The following AKT1 variants were observed in gnomAD, a reference collection of about 807,000 sequenced individuals.
AKT1 encodes the protein RAC-alpha serine/threonine-protein kinase.
Under a neutral mutation model 63.1 loss-of-function variants are expected in AKT1, and 21 were observed. The observed-to-expected ratio is 0.33, with a 90% confidence interval of 0.24 to 0.48. The LOEUF (loss-of-function observed/expected upper bound fraction) is 0.48, where lower values mean the gene tolerates loss of function less well. AKT1 is among the 20% of genes least tolerant of loss of function. AKT1 has a pLI of 0.99. For synonymous variants in AKT1, 257 were observed against 253.1 expected (o/e 1.02, Z -0.15); for missense variants, 382 against 666.0 (o/e 0.57, Z 4.69).
rs1893845704 is a variant in AKT1 at position 104,795,476 on chromosome 14, G to A, written c.-258+8C>T. 6.8e-6 allele frequency: 1 copy of A among 146,390 alleles called. No individual in the cohort carries two copies. Among genetic ancestry groups the A allele is most frequent in the Non-Finnish European group, 1.5e-5 (1 of 65,820 alleles). The allele number at this position is 146,390 out of a possible 1,614,324, so 9.1% of individuals were successfully genotyped here. ...AGGCCCGGGCGGCCACGGCGGGCGG[G>A]GACTCACCGGGCCGCCGCGTCCGGG... On this transcript the variant is annotated splice_region_variant and intron_variant, in intron 1 of 14. Coordinates refer to ENST00000649815, the MANE Select transcript of AKT1 (RefSeq NM_001382430.1). The surrounding 1 kb of genome is among the most constrained non-coding windows in gnomAD (Gnocchi z 5.1).
At chr14:104,792,173 A>AC (rs1053620473) in intron 3 of AKT1, among the ~76,000 whole-genome samples, 13 of 151,766 alleles carry the variant, frequency 8.6e-5, no homozygotes, top group African/African-American at 3.2e-4. Context: ...GATTCCCCCC[A>AC]CCCCCAAAGC....
chr14:104,776,207 G>A (rs1595246798), intron 5 of AKT1: 1 of 204,866 alleles, frequency 4.9e-6, no homozygotes, highest in East Asian at 1.4e-4. Flanking sequence ...GAGTGCAGTG[G>A]TAAAATCTCG....
In AKT1 at chr14:104,770,769, T is replaced by C. The variant is rs764514218; in HGVS notation, c.1339A>G (p.Ile447Val). 1 of 1,614,056 alleles carries C rather than the reference T, an allele frequency of 6.2e-7. No homozygotes were observed. The highest frequency in any genetic ancestry group is 8.5e-7 in the Non-Finnish European group (1 of 1,180,018). The change falls in exon 14 of 15, where the codon ATC becomes GTC. Residue 447 changes from isoleucine to valine, a missense_variant. Physicochemically the swap from Ile to Val is conservative, Grantham distance 29. Transcript: ENST00000649815. Reference protein sequence around the residue: ...YFDEEFTAQMITITPPDQDDS... With the variant: ...YFDEEFTAQMVTITPPDQDDS... ...CCTTGGTCAGGTGGTGTGATGGTGA[T>C]CATCTGGGCCGTGAACTCCTCATCA...
At chr14:104,791,348 C>T (rs1566826327) in intron 3 of AKT1, among the ~76,000 whole-genome samples, 1 of 151,632 alleles carries the variant, frequency 6.6e-6, no homozygotes, top group Non-Finnish European at 1.5e-5. Context: ...AAGCAGGGGA[C>T]AGCACACGGG....
rs1334999195 is a variant in AKT1, at chr14:104,795,059, A to C, written c.-258+425T>G. ...AGTCTCCTTCCGGGGCCCTCCCACA[A>C]ACTTGAAGGCCGGCCGCGGCGAGTC... On this transcript the variant is annotated intron_variant, in intron 1 of 14. Transcript: ENST00000649815. This position sits in a 1 kb window ranked among gnomAD's most constrained non-coding sequence, Gnocchi z 5.1. The C allele has an allele frequency of 6.6e-6, 1 of 152,134 alleles. No individual in the cohort carries two copies. The highest frequency in any genetic ancestry group is 1.5e-5 in the Non-Finnish European group (1 of 68,002). 9.4% of individuals were successfully genotyped at this position (152,134 alleles called of 1,614,324 possible). A position where few individuals can be genotyped will look rare whatever the true frequency, so the allele number is the denominator to read the frequency against.
intron 3 of AKT1, among the ~76,000 whole-genome samples, chr14:104,791,382 C>G (rs2494746): frequency 0.77 from 116,691 of 151,522 alleles, 47,183 homozygotes; most frequent in Non-Finnish European, 0.91. Context: ...AGGCAGGATG[C>G]GGCAGGAGGC....
Position 104,774,989 on chromosome 14 carries a change from G to C in AKT1, c.582C>G (p.His194Gln). The C allele has an allele frequency of 6.2e-7, 1 of 1,613,186 alleles. No homozygotes were observed. The highest frequency in any genetic ancestry group is 8.5e-7 in the Non-Finnish European group (1 of 1,179,822). ...EVIVAKDEVA[H>Q]TLTENRVLQN... The stretch of plus-strand genomic sequence containing the variant: ...GCAGGACGCGGTTCTCGGTGAGTGT[G>C]TGGGCCACCTCGTCCTGTAAAGCAG... Residue 194 changes from histidine (H) to glutamine (Q), a missense_variant, in exon 8 of 15, where the codon CAC (histidine) becomes CAG (glutamine). Coordinates refer to ENST00000649815, the MANE Select transcript of AKT1 (RefSeq NM_001382430.1).
chr14:104,779,040 G>A (rs1892882413), intron 4 of AKT1, among the ~76,000 whole-genome samples: 1 of 152,208 alleles, frequency 6.6e-6, no homozygotes, highest in African/African-American at 2.4e-5. Flanking sequence ...GCAGAGCTGG[G>A]CTCCAGGACA....
chr14:104,792,807 A>G, intron 2 of AKT1, 85 bp from the exon 3 acceptor site: 1 of 822,974 alleles, frequency 1.2e-6, no homozygotes. Flanking sequence ...GACCCACTGC[A>G]CGTGCCTGGG....
chr14:104,775,959 C>G (rs561699894), intron 5 of AKT1, 160 bp from the exon 6 acceptor site: 2 of 784,512 alleles, frequency 2.5e-6, no homozygotes, highest in South Asian at 3.7e-5. Context: ...TGGCCACATA[C>G]ACTCAGGGTC....
rs538761817 is a variant in AKT1, at chr14:104,774,578, G to A, written c.633+360C>T. The A allele has an allele frequency of 2.9e-5, 9 of 306,922 alleles. No homozygotes were observed. In the South Asian group the frequency reaches 4.9e-4, roughly 17 times the overall value. 19.0% of individuals were successfully genotyped at this position (306,922 alleles called of 1,614,324 possible). A position where few individuals can be genotyped will look rare whatever the true frequency, so the allele number is the denominator to read the frequency against. On this transcript the variant is annotated intron_variant, in intron 8 of 14. Transcript: ENST00000649815. Reference sequence around the variant, plus strand: ...GCCCCCTTCACAGTAAATACCTCCTGGGCCAAGTCCCCAGAACAGGTTCTG... The same window carrying A: ...GCCCCCTTCACAGTAAATACCTCCTAGGCCAAGTCCCCAGAACAGGTTCTG...
chr14:104,790,373 T>G (rs754504710), intron 3 of AKT1, among the ~76,000 whole-genome samples: 14 of 142,268 alleles, frequency 9.8e-5, no homozygotes, highest in Non-Finnish European at 1.7e-4. Context: ...CAGCCAGGCC[T>G]GAGCACTGTG....
chr14:104,776,509 CAGTT>C, intron 5 of AKT1, 146 bp downstream of exon 5: 1 of 637,630 alleles, frequency 1.6e-6, no homozygotes, highest in Non-Finnish European at 2.6e-6. Context: ...AGGACTGGGC[CAGTT>C]TCCAAACTGG....
At chr14:104,777,771 G>C (rs1345292444) in intron 4 of AKT1, 1 of 985,044 alleles carries the variant, frequency 1.0e-6, no homozygotes, top group Non-Finnish European at 1.2e-6. Context: ...AACCACAAGG[G>C]GGCCTGGCCA....
In AKT1 at chr14:104,775,001, G is replaced by C. The variant is rs780207480; in HGVS notation, c.570C>G (p.Asp190Glu). Reference protein sequence around the residue: ...ILKKEVIVAKDEVAHTLTENR... With the variant: ...ILKKEVIVAKEEVAHTLTENR... ...TCTCGGTGAGTGTGTGGGCCACCTCGTCCTGTAAAGCAGGGCTGGGTGAGC... is the reference window on the plus strand; with the variant it reads ...TCTCGGTGAGTGTGTGGGCCACCTCCTCCTGTAAAGCAGGGCTGGGTGAGC... The change falls in exon 8 of 15, where the codon GAC becomes GAG. Residue 190 changes from aspartate to glutamate, a missense_variant and splice_region_variant. Around this residue, in one of 3 missense-constraint regions of AKT1, gnomAD observed 226 missense variants for 366.4 expected, o/e 0.62. Transcript: ENST00000649815. The C allele has an allele frequency of 6.2e-7, 1 of 1,613,054 alleles. No individual in the cohort carries two copies. The highest frequency in any genetic ancestry group is 2.2e-5 in the East Asian group (1 of 44,870).
At chr14:104,784,897 C>T (rs538611208) in intron 3 of AKT1, among the ~76,000 whole-genome samples, 16 of 152,350 alleles carry the variant, frequency 1.1e-4, no homozygotes, top group African/African-American at 3.1e-4. Context: ...TGTCAGCCCC[C>T]CTAGGCCACC....
At chr14:104,780,041 A>G (rs544213341) in intron 4 of AKT1, 47 bp downstream of exon 4, 2 of 1,599,526 alleles carry the variant, frequency 1.3e-6, no homozygotes, top group African/African-American at 1.3e-5. Context: ...AGAGGGCTCC[A>G]GCCAACCCCC....
chr14:104,779,174 C>A (rs1195380572), intron 4 of AKT1, among the ~76,000 whole-genome samples: 2 of 152,202 alleles, frequency 1.3e-5, no homozygotes, highest in African/African-American at 4.8e-5. Context: ...CCTGCCCCCG[C>A]TACAGGTAAG....
At chr14:104,788,231 C>G (rs1032986240) in intron 3 of AKT1, among the ~76,000 whole-genome samples, 27 of 152,180 alleles carry the variant, frequency 1.8e-4, no homozygotes, top group Non-Finnish European at 1.0e-4. Flanking sequence ...TGACCCTCAC[C>G]TGACAGCCTG....
Sources: gnomAD v4.1 joint callset for allele counts (sites outside exome capture counted in the v4.1 genomes callset) on GRCh38, gnomAD v4.1.1 for gene constraint, gnomAD v4.1.1 regional missense constraint, Gnocchi (gnomAD v3.1) non-coding constraint, MANE v1.5 for transcripts, NCBI Gene and HGNC (gene_info 2026-07-23, HGNC 2026-07-21) for gene names.